Variants in DNER observed in about 807,000 individuals in gnomAD.
The protein encoded by DNER is delta/notch like EGF repeat containing.
A neutral mutation model predicts 78.2 loss-of-function variants in DNER; 33 were observed. The observed-to-expected ratio is 0.42, with a 90% CI of 0.32 to 0.56. The LOEUF (loss-of-function observed/expected upper bound fraction) is 0.56, where lower values mean the gene tolerates loss of function less well. Ranked by LOEUF, DNER falls within the 20% of genes least tolerant of loss-of-function variation. The pLI, the probability that DNER is intolerant of heterozygous loss-of-function variation, is 0.11. For missense variants in DNER, 918 were observed against 975.3 expected, an observed-to-expected ratio of 0.94 and a Z score of 0.78; for synonymous variants, 417 against 384.8, an observed-to-expected ratio of 1.08 and a Z score of -0.98.
At chr2:229,361,614 T>C (rs1047631333) in intron 12 of DNER, among the ~76,000 whole-genome samples, 3 of 152,160 alleles carry the variant, frequency 2.0e-5, no homozygotes, top group African/African-American at 7.2e-5. Context: ...TTAGTGCTGC[T>C]CTCCAAAGGA....
chr2:229,516,945 A>G (rs1695988553), intron 5 of DNER, among the ~76,000 whole-genome samples: 1 of 132,688 alleles, frequency 7.5e-6, no homozygotes, highest in Non-Finnish European at 1.7e-5. Context: ...GTCTCTACTA[A>G]AAATACAAAA....
intron 9 of DNER, among the ~76,000 whole-genome samples, chr2:229,417,657 G>A (rs990936757): frequency 4.6e-5 from 7 of 152,030 alleles, no homozygotes; most frequent in East Asian, 1.9e-4. Context: ...TGTCAATGTC[G>A]CCTGTTTTTA....
In DNER at chr2:229,429,119, G is replaced by A. The variant is rs193142258; in HGVS notation, c.1487-10889C>T. Among the ~76,000 whole-genome samples the A allele has an allele frequency of 2.5e-3, 386 of 152,268 alleles. 3 individuals carry two copies. Among genetic ancestry groups the A allele is most frequent in the Middle Eastern group, 0.017 (5 of 294 alleles). ...GCCCTTGGAGGGTCACCAAGATGGT[G>A]GAGCATATGGGGGCTGGGGGTACAA... On this transcript the variant is annotated intron_variant, in intron 8 of 12. Transcript: ENST00000341772.
At chr2:229,632,899 A>G (rs1238942678) in intron 1 of DNER, among the ~76,000 whole-genome samples, 1 of 152,198 alleles carries the variant, frequency 6.6e-6, no homozygotes, top group Non-Finnish European at 1.5e-5. Context: ...CAAGTTTACC[A>G]GTAACTAAAA....
At position 229,588,303 on chromosome 2, in the gene DNER, GC is replaced by G. The variant is rs535615458; in HGVS notation, c.680+90del. ...TCTGTTCACGATTCTCACTTGACAGGCCACTTACACACCAGGTCCGCGGATG... is the reference window on the plus strand; with the variant it reads ...TCTGTTCACGATTCTCACTTGACAGGCACTTACACACCAGGTCCGCGGATG... On this transcript the variant is annotated intron_variant, in intron 3 of 12. Transcript: ENST00000341772. The G allele has an allele frequency of 2.0e-4, 226 of 1,152,134 alleles. 3 individuals carry two copies. In the East Asian group the frequency reaches 5.3e-3, roughly 27 times the overall value. 71.4% of individuals were successfully genotyped at this position (1,152,134 alleles called of 1,614,324 possible).
chr2:229,451,009 C>A (rs905574047), intron 7 of DNER, among the ~76,000 whole-genome samples: 1 of 152,198 alleles, frequency 6.6e-6, no homozygotes, highest in Non-Finnish European at 1.5e-5. Flanking sequence ...GGCAAGGCCC[C>A]CTTTCTCCCA....
chr2:229,403,776 G>A (rs1488381132), intron 10 of DNER, among the ~76,000 whole-genome samples: 1 of 151,860 alleles, frequency 6.6e-6, no homozygotes, highest in Non-Finnish European at 1.5e-5. Context: ...GAGCAGAGGG[G>A]GGCTGAGAGG....
intron 8 of DNER, among the ~76,000 whole-genome samples, chr2:229,440,591 C>T (rs754840511): frequency 2.5e-4 from 38 of 152,206 alleles, no homozygotes; most frequent in Admixed American, 5.2e-4. Context: ...ATGACTTTCT[C>T]TAGCATCCAT....
intron 6 of DNER, among the ~76,000 whole-genome samples, chr2:229,484,013 G>A (rs73103754): frequency 0.024 from 3,715 of 151,988 alleles, 163 homozygotes; most frequent in African/African-American, 0.085. Flanking sequence ...GTTTCCTTCC[G>A]AGAACATAAA....
chr2:229,489,437 C>G (rs78793984), intron 6 of DNER, among the ~76,000 whole-genome samples: 18,963 of 150,486 alleles, frequency 0.13, 1,327 homozygotes, highest in South Asian at 0.2. Flanking sequence ...AGCCAGACTG[C>G]AATCAAGTGT....
In DNER at chr2:229,370,925, A is replaced by C. The variant is rs148961480; in HGVS notation, c.1856-3806T>G. ...GAGTGCACAACCACATGGCCACTAAAGTGAAAAAAACAACCATACTGGGCT... is the reference window on the plus strand; with the variant it reads ...GAGTGCACAACCACATGGCCACTAACGTGAAAAAAACAACCATACTGGGCT... On this transcript the variant is annotated intron_variant, in intron 11 of 12. Transcript: ENST00000341772. 4.3e-3 allele frequency among the ~76,000 whole-genome samples: 652 copies of C among 152,326 alleles called. 10 individuals carry two copies. Among genetic ancestry groups the C allele is most frequent in the African/African-American group, 0.015 (625 of 41,574 alleles).
chr2:229,525,019 G>A (rs1696181209), intron 5 of DNER, among the ~76,000 whole-genome samples: 1 of 152,160 alleles, frequency 6.6e-6, no homozygotes, highest in South Asian at 2.1e-4. Flanking sequence ...TCACTCTGAT[G>A]TGTGGCTCTT....
chr2:229,664,396 A>T (rs1032223785), intron 1 of DNER, among the ~76,000 whole-genome samples: 2 of 152,168 alleles, frequency 1.3e-5, no homozygotes, highest in Non-Finnish European at 2.9e-5. Flanking sequence ...TAATCCCAGC[A>T]CTGCGGGAGG....
intron 9 of DNER, among the ~76,000 whole-genome samples, chr2:229,412,741 C>T (rs967746357): frequency 2.0e-5 from 3 of 152,076 alleles, no homozygotes; most frequent in Middle Eastern, 3.2e-3. Flanking sequence ...AGGAGAACCC[C>T]GTCAGGAATG....
At chr2:229,619,647 G>A (rs971983677) in intron 1 of DNER, among the ~76,000 whole-genome samples, 1 of 152,160 alleles carries the variant, frequency 6.6e-6, no homozygotes, top group Non-Finnish European at 1.5e-5. Flanking sequence ...CTGCTGGTAC[G>A]TATAGTGTAC....
chr2:229,688,220 C>T (rs888162428), intron 1 of DNER, among the ~76,000 whole-genome samples: 2 of 152,202 alleles, frequency 1.3e-5, no homozygotes, highest in East Asian at 3.8e-4. Context: ...CACCTTGAAA[C>T]TCAAACTTCC....
At chr2:229,570,969 A>G (rs915509174) in intron 4 of DNER, among the ~76,000 whole-genome samples, 1 of 152,192 alleles carries the variant, frequency 6.6e-6, no homozygotes, top group Non-Finnish European at 1.5e-5. Context: ...GAGGGAAATG[A>G]GAGCCATTGC....
intron 8 of DNER, among the ~76,000 whole-genome samples, chr2:229,428,553 A>G (rs755780618): frequency 1.1e-4 from 17 of 152,044 alleles, no homozygotes; most frequent in Non-Finnish European, 2.2e-4. Flanking sequence ...ACAGAAGCTC[A>G]TTAGAAGGAA....
chr2:229,625,957 T>C (rs1698335140), intron 1 of DNER, among the ~76,000 whole-genome samples: 2 of 152,096 alleles, frequency 1.3e-5, no homozygotes, highest in Admixed American at 1.3e-4. Context: ...TCTCGCTCTT[T>C]TGCCCAGGCC....
Sources: gnomAD v4.1 joint callset for allele counts (sites outside exome capture counted in the v4.1 genomes callset) on GRCh38, gnomAD v4.1.1 for gene constraint, MANE v1.5 for transcripts, NCBI Gene and HGNC (gene_info 2026-07-23, HGNC 2026-07-21) for gene names.